POLA1: variants seen among roughly 807,000 people sequenced by gnomAD.
The protein encoded by POLA1 is DNA polymerase alpha 1, catalytic subunit, also known as DNA polymerase alpha catalytic subunit.
In POLA1, 15 loss-of-function variants were observed where a neutral mutation model predicts 124.0. The ratio of observed to expected loss-of-function variants is 0.12; its 90% CI spans 0.08 to 0.19. The LOEUF is 0.19. Ranked by LOEUF, POLA1 falls within the 10% of genes least tolerant of loss-of-function variation. The pLI is 1.00. For synonymous variants in POLA1, 408 were observed against 389.4 expected (o/e 1.05, Z -0.56); for missense variants, 886 against 1,103.4 (o/e 0.80, Z 2.79).
chrX:24,974,610 A>C (rs1192480065), intron 36 of POLA1, among the ~76,000 whole-genome samples: 2 of 105,317 alleles, frequency 1.9e-5, no homozygotes, highest in Admixed American at 1.0e-4. Context: ...CAGTGAGAAC[A>C]CATGGTCACA....
chrX:24,730,129 G>A (rs1329644852), intron 15 of POLA1, among the ~76,000 whole-genome samples: 1 of 111,741 alleles, frequency 8.9e-6, no homozygotes, highest in Non-Finnish European at 1.9e-5. Flanking sequence ...ACTGTAGATG[G>A]CCATAGTTCA....
intron 26 of POLA1, among the ~76,000 whole-genome samples, chrX:24,758,035 A>G (rs1932703029): frequency 9.0e-6 from 1 of 111,423 alleles, no homozygotes; most frequent in Admixed American, 9.5e-5. Flanking sequence ...AATTGATGAA[A>G]GTAATGTTGG....
At chrX:24,778,261 A>C (rs1245940946) in intron 26 of POLA1, among the ~76,000 whole-genome samples, 1 of 111,145 alleles carries the variant, frequency 9.0e-6, no homozygotes, top group Non-Finnish European at 1.9e-5. Flanking sequence ...TTTTTTCCCC[A>C]AGATGGAGTC....
rs750708000 is a variant in POLA1, at chrX:24,745,585, A to G, written c.2691+43A>G. ...GACTCTTGAAATTGAGTTTAAAAAA[A>G]TTGCTTAAAGAAGGAAGATCTGTGT... On this transcript the variant is annotated intron_variant, in intron 24 of 36. Transcript: ENST00000379068. The G allele has an allele frequency of 3.2e-5, 31 of 971,855 alleles. No homozygotes were observed. In the East Asian group the frequency reaches 9.2e-4, roughly 29 times the overall value. 80.1% of individuals were successfully genotyped at this position (971,855 alleles called of 1,213,427 possible).
intron 36 of POLA1, among the ~76,000 whole-genome samples, chrX:24,968,469 G>A (rs1169042494): frequency 9.0e-6 from 1 of 111,526 alleles, no homozygotes; most frequent in East Asian, 2.8e-4. Context: ...GGAGGCCAAG[G>A]CGGGCGGATC....
intron 36 of POLA1, among the ~76,000 whole-genome samples, chrX:24,933,439 C>A (rs951681014): frequency 7.2e-5 from 8 of 111,767 alleles, no homozygotes; most frequent in Middle Eastern, 4.6e-3. Context: ...CAATTTGGAC[C>A]ATGGCCAGAA....
chrX:24,790,599 T>C (rs147719712), intron 26 of POLA1, among the ~76,000 whole-genome samples: 1,116 of 111,137 alleles, frequency 0.01, 17 homozygotes, highest in African/African-American at 0.035. Flanking sequence ...TCAGTTTGGC[T>C]TCATTCTAAA....
chrX:24,895,266 G>C (rs912059234), intron 35 of POLA1, among the ~76,000 whole-genome samples: 6 of 112,285 alleles, frequency 5.3e-5, no homozygotes, highest in African/African-American at 1.9e-4. Flanking sequence ...TCCTTATCAT[G>C]TGAAAGAAAT....
Position 24,747,804 on chromosome X carries a change from C to T in POLA1, c.2692-507C>T, listed in dbSNP as rs567762791. Among the ~76,000 whole-genome samples, 10 of 105,892 alleles carry T rather than the reference C, an allele frequency of 9.4e-5. No individual in the cohort carries two copies. The East Asian group carries it at 1.8e-3, about 19-fold the overall frequency. The allele number at this position is 105,892 out of a possible 115,157, so 92.0% of individuals were successfully genotyped here. On this transcript the variant is annotated intron_variant, in intron 24 of 36. Transcript: ENST00000379068. ...GGCTAGAGTGCAGTGGCGAGATCTC[C>T]GCTTACTGTAAGCTCCGCCTCCCGG...
chrX:24,716,119 T>C (rs1929813325), intron 6 of POLA1, among the ~76,000 whole-genome samples: 1 of 110,394 alleles, frequency 9.1e-6, no homozygotes, highest in African/African-American at 3.3e-5. Context: ...AGTGAAAGTA[T>C]GTTAAATTTT....
chrX:24,855,763 G>C (rs925368810), intron 34 of POLA1, among the ~76,000 whole-genome samples: 1 of 111,126 alleles, frequency 9.0e-6, no homozygotes, highest in Non-Finnish European at 1.9e-5. Flanking sequence ...TACTAGGGGT[G>C]GGGGGCAGTG....
rs555950498 is a variant in POLA1, at chrX:24,797,033, C to G, written c.2965-12865C>G. Among the ~76,000 whole-genome samples, 13 of 112,014 alleles carry G rather than the reference C, an allele frequency of 1.2e-4. No homozygotes were observed. The South Asian group carries it at 4.9e-3, about 42-fold the overall frequency. ...GCTAAATGTCTGTGATTCTCTGTCTCCAGTGTCACTGCAATTATGCTGTTC... is the reference window on the plus strand; with the variant it reads ...GCTAAATGTCTGTGATTCTCTGTCTGCAGTGTCACTGCAATTATGCTGTTC... On this transcript the variant is annotated intron_variant, in intron 26 of 36. Coordinates refer to ENST00000379068, the MANE Select transcript of POLA1 (RefSeq NM_001330360.2).
At chrX:24,697,191 C>T (rs1003441713) in intron 1 of POLA1, among the ~76,000 whole-genome samples, 3 of 111,343 alleles carry the variant, frequency 2.7e-5, no homozygotes, top group South Asian at 3.8e-4. Context: ...TACCCTAAAC[C>T]CTGTGTAGTG....
intron 36 of POLA1, among the ~76,000 whole-genome samples, chrX:24,939,287 A>G (rs767274173): frequency 3.7e-4 from 42 of 112,381 alleles, no homozygotes; most frequent in Non-Finnish European, 7.3e-4. Flanking sequence ...TCTATCACCA[A>G]TGATGAAAAA....
intron 26 of POLA1, among the ~76,000 whole-genome samples, chrX:24,769,461 A>G (rs886381687): frequency 4.5e-5 from 5 of 111,652 alleles, no homozygotes; most frequent in African/African-American, 6.5e-5. Flanking sequence ...GAATCTTGCT[A>G]TAGCCTAGGT....
At chrX:24,725,191 CTTT>C (rs757657562) in intron 12 of POLA1, among the ~76,000 whole-genome samples, 1 of 89,020 alleles carries the variant, frequency 1.1e-5, no homozygotes. Context: ...TGAATGACTA[CTTT>C]TTTTTTTTTT....
chrX:24,968,535 T>C (rs1005014994), intron 36 of POLA1, among the ~76,000 whole-genome samples: 1 of 109,369 alleles, frequency 9.1e-6, no homozygotes, highest in Admixed American at 9.7e-5. Context: ...CTGTCTCTAC[T>C]AAAAATACAA....
In POLA1 at chrX:24,850,286, A is replaced by G. The variant is rs371277579; in HGVS notation, c.4047+6609A>G. The stretch of plus-strand genomic sequence containing the variant: ...TTGGAATAGAATCTCATTGTAAGTA[A>G]TTTATCCTTGTACAAATCTAAGTGA... On this transcript the variant is annotated intron_variant, in intron 34 of 36. Transcript: ENST00000379068. Among the ~76,000 whole-genome samples, 8 of 112,400 alleles carry G rather than the reference A, an allele frequency of 7.1e-5. No individual in the cohort carries two copies. The East Asian group carries it at 2.0e-3, about 27-fold the overall frequency.
chrX:24,823,385 T>C (rs1466928489), intron 31 of POLA1, among the ~76,000 whole-genome samples: 3 of 110,747 alleles, frequency 2.7e-5, no homozygotes, highest in Non-Finnish European at 5.7e-5. Context: ...AATATGCTTT[T>C]GAAAATGTAT....
Sources: gnomAD v4.1 joint callset for allele counts (sites outside exome capture counted in the v4.1 genomes callset) on GRCh38, gnomAD v4.1.1 for gene constraint, MANE v1.5 for transcripts, NCBI Gene and HGNC (gene_info 2026-07-23, HGNC 2026-07-21) for gene names.